The following DYRK2 variants were observed in gnomAD, a reference collection of about 807,000 sequenced individuals.
DYRK2 encodes dual specificity tyrosine phosphorylation regulated kinase 2.
In DYRK2, 12 loss-of-function variants were observed where a neutral mutation model predicts 41.6. The observed-to-expected ratio is 0.29, with a 90% CI of 0.18 to 0.47. The LOEUF is 0.47. DYRK2 is among the 20% of genes least tolerant of loss of function. DYRK2 has a pLI of 1.00. For missense variants in DYRK2, 678 were observed against 798.4 expected, an observed-to-expected ratio of 0.85 and a Z score of 1.82; for synonymous variants, 322 against 315.7, an observed-to-expected ratio of 1.02 and a Z score of -0.21.
At chr12:67,652,925 G>T (rs1210604574) in intron 2 of DYRK2, among the ~76,000 whole-genome samples, 1 of 152,306 alleles carries the variant, frequency 6.6e-6, no homozygotes, top group East Asian at 1.9e-4. Context: ...CGCCTCCGGG[G>T]TTCAAGCGAT....
Position 67,658,634 on chromosome 12 carries a change from T to G in DYRK2, c.1727T>G (p.Leu576Arg), listed in dbSNP as rs1872549388. The part of the protein sequence containing the change: ...LPPPSSSASK[L>R]RTNLAQMTDA... ...CCACCTTCTAGCTCAGCTTCCAAAC[T>G]GAGGACTAATTTGGCGCAGATGACA... Residue 576 changes from leucine to arginine, a missense_variant, in exon 3 of 3, where the codon CTG (leucine) becomes CGG (arginine). Physicochemically the swap from Leu to Arg is moderately radical, Grantham distance 102. Transcript: ENST00000344096. This position sits in a 1 kb window ranked among gnomAD's most constrained non-coding sequence, Gnocchi z 4.3. 1 of 1,614,002 alleles carries G rather than the reference T, an allele frequency of 6.2e-7. No individual in the cohort carries two copies. The highest frequency in any genetic ancestry group is 8.5e-7 in the Non-Finnish European group (1 of 1,180,034).
chr12:67,652,038 C>A (rs144947920), intron 2 of DYRK2, among the ~76,000 whole-genome samples: 3 of 151,678 alleles, frequency 2.0e-5, no homozygotes, highest in Non-Finnish European at 4.4e-5. Flanking sequence ...GGAAGAACTT[C>A]TAGAATGAAT....
chr12:67,656,541 G>A (rs1872473816), intron 2 of DYRK2, among the ~76,000 whole-genome samples: 1 of 152,176 alleles, frequency 6.6e-6, no homozygotes, highest in Admixed American at 6.5e-5. Flanking sequence ...CAGGGTTTTT[G>A]TTTTTGTCAC....
rs1277224055 is a variant in DYRK2, at chr12:67,651,614, G to A, written c.198+1669G>A. The A allele has an allele frequency of 1.1e-5, 5 of 455,922 alleles. No homozygotes were observed. The Admixed American group carries it at 1.2e-4, about 11-fold the overall frequency. The allele number at this position is 455,922 out of a possible 1,614,324, so 28.2% of individuals were successfully genotyped here. ...AGATTTACTTGTTTTTAACGTGTGT[G>A]TAAACTTCGGTATGCTGTTAATTAT... is the stretch of plus-strand genomic sequence containing the variant. On this transcript the variant is annotated intron_variant, in intron 2 of 2. Transcript: ENST00000344096.
chr12:67,649,534 C>A (rs932436124), intron 1 of DYRK2: 2 of 377,736 alleles, frequency 5.3e-6, no homozygotes, highest in Admixed American at 4.7e-5. Flanking sequence ...CAACGTGGGC[C>A]GCCTAGCCCC....
rs1409116646 is a variant in DYRK2, at chr12:67,649,958, C to A, written c.198+13C>A. The A allele has an allele frequency of 7.5e-7, 1 of 1,339,294 alleles. No individual in the cohort carries two copies. Among genetic ancestry groups the A allele is most frequent in the East Asian group, 3.1e-5 (1 of 32,028 alleles). 83.0% of individuals were successfully genotyped at this position (1,339,294 alleles called of 1,614,324 possible). A position where few individuals can be genotyped will look rare whatever the true frequency, so the allele number is the denominator to read the frequency against. ...CGCAGCCCACACGGTGAGACCCAGC[C>A]CGCGGGCGGCCCGGGCGGTGGGGGC... On this transcript the variant is annotated intron_variant, in intron 2 of 2. Coordinates refer to ENST00000344096, the MANE Select transcript of DYRK2 (RefSeq NM_006482.3).
At position 67,658,354 on chromosome 12, in the gene DYRK2, C is replaced by T. The variant is rs748801595; in HGVS notation, c.1447C>T (p.Arg483Trp). ...GSVVLNGGRS[R>W]RGKLRGPPES... Reference sequence around the variant, plus strand: ...TGTGGTCCTAAACGGAGGCCGTTCCCGGAGGGGGAAACTGAGGGGCCCACC... The same window carrying T: ...TGTGGTCCTAAACGGAGGCCGTTCCTGGAGGGGGAAACTGAGGGGCCCACC... Residue 483 changes from arginine (R) to tryptophan (W), a missense_variant, in exon 3 of 3, where the codon CGG (arginine) becomes TGG (tryptophan). This residue lies in a region of DYRK2 where 393 missense variants were observed against 519.1 expected (regional missense o/e 0.76). Coordinates refer to ENST00000344096, the MANE Select transcript of DYRK2 (RefSeq NM_006482.3). This position sits in a 1 kb window ranked among gnomAD's most constrained non-coding sequence, Gnocchi z 4.3. The T allele has an allele frequency of 6.8e-6, 11 of 1,611,728 alleles. No individual in the cohort carries two copies. The highest frequency in any genetic ancestry group is 1.3e-5 in the African/African-American group (1 of 74,924).
At position 67,662,283 on chromosome 12, in the gene DYRK2, C is replaced by T. The variant is rs1194041132; in HGVS notation, c.*3570C>T. 27 of 166,808 alleles carry T rather than the reference C, an allele frequency of 1.6e-4. No homozygotes were observed. In the Admixed American group the frequency reaches 1.8e-3, roughly 11 times the overall value. 10.3% of individuals were successfully genotyped at this position (166,808 alleles called of 1,614,324 possible). ...CTGTTTCTTAGGGGCTTGTACATCT[C>T]TCTGCTATGGACATACATAAAATTA... On this transcript the variant is annotated 3_prime_UTR_variant, in exon 3 of 3. Transcript: ENST00000344096.
intron 2 of DYRK2, among the ~76,000 whole-genome samples, chr12:67,650,317 A>T (rs1285209292): frequency 1.3e-5 from 2 of 151,978 alleles, no homozygotes; most frequent in Non-Finnish European, 2.9e-5. Context: ...CCCCGTGGGT[A>T]GTGGGTATTT....
Position 67,657,080 on chromosome 12 carries a change from A to G in DYRK2, c.199-26A>G, listed in dbSNP as rs1191527154. ...TTTGAACAGACACCACTTCTTTTCT[A>G]TTTATATTTCCTGTCTGAATTCCAG... is the stretch of plus-strand genomic sequence containing the variant. On this transcript the variant is annotated intron_variant, in intron 2 of 2. Transcript: ENST00000344096. This position sits in a 1 kb window ranked among gnomAD's most constrained non-coding sequence, Gnocchi z 4.8. 1.2e-5 allele frequency: 18 copies of G among 1,527,744 alleles called. No individual in the cohort carries two copies. The highest frequency in any genetic ancestry group is 1.5e-5 in the Non-Finnish European group (17 of 1,137,234). The allele number at this position is 1,527,744 out of a possible 1,614,324, so 94.6% of individuals were successfully genotyped here. A position where few individuals can be genotyped will look rare whatever the true frequency, so the allele number is the denominator to read the frequency against.
chr12:67,658,295 G>A lies in DYRK2; in HGVS notation c.1388G>A (p.Arg463His), dbSNP rs573469138. ...TTTGTGAGCTCCAAGGGTTATCCCC[G>A]TTACTGCACTGTCACGACTCTCTCA... ...KNFVSSKGYP[R>H]YCTVTTLSDG... Residue 463 changes from arginine (R) to histidine (H), a missense_variant, in exon 3 of 3, where the codon CGT (arginine) becomes CAT (histidine). This residue lies in a region of DYRK2 where 393 missense variants were observed against 519.1 expected (regional missense o/e 0.76). Coordinates refer to ENST00000344096, the MANE Select transcript of DYRK2 (RefSeq NM_006482.3). This position sits in a 1 kb window ranked among gnomAD's most constrained non-coding sequence, Gnocchi z 4.3. 3 of 1,614,080 alleles carry A rather than the reference G, an allele frequency of 1.9e-6. No individual in the cohort carries two copies. Among genetic ancestry groups the A allele is most frequent in the Non-Finnish European group, 2.5e-6 (3 of 1,180,052 alleles).
rs751412921 is a variant in DYRK2, at chr12:67,649,890, C to A, written c.143C>A (p.Ser48Tyr). ...AGCGGAGTGGGGACTGGCCCGCCCT[C>A]CCCCATCGCCCTGCCGCCTCTCCGG... ...TRSGVGTGPP[S>Y]PIALPPLRAS... Residue 48 changes from serine to tyrosine, a missense_variant, in exon 2 of 3, where the codon TCC becomes TAC. Coordinates refer to ENST00000344096, the MANE Select transcript of DYRK2 (RefSeq NM_006482.3). 1 of 1,380,434 alleles carries A rather than the reference C, an allele frequency of 7.2e-7. No individual in the cohort carries two copies. The highest frequency in any genetic ancestry group is 9.3e-7 in the Non-Finnish European group (1 of 1,071,748). 85.5% of individuals were successfully genotyped at this position (1,380,434 alleles called of 1,614,324 possible).
At chr12:67,655,274 G>A (rs1872433457) in intron 2 of DYRK2, among the ~76,000 whole-genome samples, 1 of 152,162 alleles carries the variant, frequency 6.6e-6, no homozygotes, top group South Asian at 2.1e-4. Context: ...TTTTTCTGCT[G>A]AAATATCACC....
chr12:67,649,241 C>T, intron 1 of DYRK2, 59 bp downstream of exon 1: 4 of 1,265,614 alleles, frequency 3.2e-6, no homozygotes, highest in Admixed American at 4.2e-5. Context: ...TGGGCAGCCC[C>T]TGTGGCGCGG....
chr12:67,662,186 CT>C lies in DYRK2; in HGVS notation c.*3474del, dbSNP rs1327989758. ...CAGAAGACTTTTTAAAAAAACTGAT[CT>C]GGTCTCGGTAAAGGTTTTAATATTG... On this transcript the variant is annotated 3_prime_UTR_variant, in exon 3 of 3. Transcript: ENST00000344096. 7.8e-5 allele frequency: 13 copies of C among 166,490 alleles called. No homozygotes were observed. Among genetic ancestry groups the C allele is most frequent in the Admixed American group, 6.6e-4 (10 of 15,226 alleles). 10.3% of individuals were successfully genotyped at this position (166,490 alleles called of 1,614,324 possible). A position where few individuals can be genotyped will look rare whatever the true frequency, so the allele number is the denominator to read the frequency against.
At chr12:67,652,804 T>A (rs1227268946) in intron 2 of DYRK2, 1 of 152,190 alleles carries the variant, frequency 6.6e-6, no homozygotes, top group African/African-American at 2.4e-5. Flanking sequence ...TTTTAACAAT[T>A]GTATTATGTT....
rs753706598 is a variant in DYRK2 at position 67,657,801 on chromosome 12, C to T, written c.894C>T (p.Cys298=). The T allele has an allele frequency of 6.2e-6, 10 of 1,614,250 alleles. No homozygotes were observed. In the Admixed American group the frequency reaches 6.7e-5, roughly 11 times the overall value. ...LENFTFRNHI[C]MTFELLSMNL... is the part of the protein sequence containing the mutation. Reference sequence around the variant, plus strand: ...ATTTCACCTTCCGCAACCACATCTGCATGACGTTTGAGCTGCTGAGCATGA... The same window carrying T: ...ATTTCACCTTCCGCAACCACATCTGTATGACGTTTGAGCTGCTGAGCATGA... Residue 298 remains cysteine, a synonymous_variant, in exon 3 of 3, where the codon TGC becomes TGT. Transcript: ENST00000344096. This position sits in a 1 kb window ranked among gnomAD's most constrained non-coding sequence, Gnocchi z 4.8.
At chr12:67,651,191 A>G (rs536542539) in intron 2 of DYRK2, among the ~76,000 whole-genome samples, 27 of 152,324 alleles carry the variant, frequency 1.8e-4, no homozygotes, top group African/African-American at 6.0e-4. Context: ...TGGATGGTAT[A>G]GTAGGATGGA....
chr12:67,664,940 T>C lies in DYRK2; in HGVS notation c.*6227T>C, dbSNP rs1397439496. On this transcript the variant is annotated 3_prime_UTR_variant, in exon 3 of 3. Transcript: ENST00000344096. ...TTAAATTTTTTTTTACATTTGAAAG[T>C]ATGAAAATACTATTTTTGACACTTT... 6.6e-6 allele frequency: 1 copy of C among 152,140 alleles called. No individual in the cohort carries two copies. Among genetic ancestry groups the C allele is most frequent in the Non-Finnish European group, 1.5e-5 (1 of 67,998 alleles). The allele number at this position is 152,140 out of a possible 1,614,324, so 9.4% of individuals were successfully genotyped here.
Sources: allele counts gnomAD v4.1 joint callset (sites outside exome capture counted in the v4.1 genomes callset), GRCh38; gene constraint gnomAD v4.1.1; regional missense constraint gnomAD v4.1.1; non-coding constraint Gnocchi (gnomAD v3.1); transcripts MANE v1.5; gene names NCBI Gene and HGNC (gene_info 2026-07-23, HGNC 2026-07-21).